The following PLXDC2 variants were observed in gnomAD, a reference collection of about 807,000 sequenced individuals.
The protein encoded by PLXDC2 is plexin domain containing 2, also known as plexin domain-containing protein 2.
A neutral mutation model predicts 68.9 loss-of-function variants in PLXDC2; 40 were observed. The observed-to-expected ratio is 0.58, with a 90% confidence interval of 0.45 to 0.76. The LOEUF (loss-of-function observed/expected upper bound fraction) is 0.76. Among genes scored for constraint, PLXDC2 ranks in the 30% least tolerant of loss-of-function variants. The pLI, the probability that PLXDC2 is intolerant of heterozygous loss-of-function variation, is 0.00. For missense variants in PLXDC2, 644 were observed against 661.9 expected (o/e 0.97, Z 0.30); for synonymous variants, 243 against 234.2 (o/e 1.04, Z -0.34).
At chr10:20,173,705 T>G (rs747572759) in intron 7 of PLXDC2, among the ~76,000 whole-genome samples, 12 of 152,162 alleles carry the variant, frequency 7.9e-5, no homozygotes, top group Non-Finnish European at 1.8e-4. Context: ...AGACTGAACG[T>G]TTAATTCAAC....
intron 1 of PLXDC2, among the ~76,000 whole-genome samples, chr10:19,868,538 T>C (rs1837464987): frequency 6.6e-6 from 1 of 152,214 alleles, no homozygotes; most frequent in Admixed American, 6.5e-5. Flanking sequence ...TTTCTGACTC[T>C]ATAAAATTAG....
chr10:20,255,175 G>A (rs1588546115), intron 13 of PLXDC2, among the ~76,000 whole-genome samples: 1 of 143,538 alleles, frequency 7.0e-6, no homozygotes, highest in Admixed American at 7.1e-5. Flanking sequence ...ATGGATGGAT[G>A]GGTGGATAGG....
chr10:19,980,054 T>C (rs1489523334), intron 1 of PLXDC2, among the ~76,000 whole-genome samples: 1 of 152,264 alleles, frequency 6.6e-6, no homozygotes, highest in Non-Finnish European at 1.5e-5. Flanking sequence ...TTCTCTTTGA[T>C]TTTCATAGAG....
chr10:19,855,796 T>C (rs573543343), intron 1 of PLXDC2, among the ~76,000 whole-genome samples: 5 of 152,246 alleles, frequency 3.3e-5, no homozygotes, highest in Admixed American at 1.3e-4. Context: ...AAAAATTGTG[T>C]GCCATTAGGC....
At chr10:19,987,800 C>A (rs2131625576) in intron 1 of PLXDC2, among the ~76,000 whole-genome samples, 1 of 152,148 alleles carries the variant, frequency 6.6e-6, no homozygotes, top group Middle Eastern at 3.4e-3. Flanking sequence ...GATCTCCCGA[C>A]CTTGTGATCC....
chr10:20,219,449 G>T (rs781581744), intron 12 of PLXDC2, among the ~76,000 whole-genome samples: 7 of 152,144 alleles, frequency 4.6e-5, no homozygotes, highest in Non-Finnish European at 8.8e-5. Context: ...TCACTAAATT[G>T]TCTCCTTGGT....
intron 12 of PLXDC2, among the ~76,000 whole-genome samples, chr10:20,238,164 A>G (rs1039583649): frequency 6.7e-6 from 1 of 149,736 alleles, no homozygotes; most frequent in African/African-American, 2.4e-5. Flanking sequence ...ATATATGTAT[A>G]TACATATATA....
chr10:19,910,069 T>C (rs528349035), intron 1 of PLXDC2, among the ~76,000 whole-genome samples: 1 of 152,002 alleles, frequency 6.6e-6, no homozygotes, highest in Non-Finnish European at 1.5e-5. Flanking sequence ...TCCAGGGTGA[T>C]GTTATAATTT....
intron 1 of PLXDC2, among the ~76,000 whole-genome samples, chr10:19,896,554 C>A (rs536181115): frequency 2.4e-4 from 36 of 152,238 alleles, no homozygotes; most frequent in Non-Finnish European, 4.9e-4. Flanking sequence ...TTATTAATAT[C>A]GTCATAACAA....
chr10:20,233,314 C>T (rs1388924718), intron 12 of PLXDC2, among the ~76,000 whole-genome samples: 1 of 150,586 alleles, frequency 6.6e-6, no homozygotes, highest in Non-Finnish European at 1.5e-5. Flanking sequence ...TCAGTTGAGG[C>T]CAGGAGTTTG....
intron 1 of PLXDC2, among the ~76,000 whole-genome samples, chr10:19,997,950 T>C (rs1319219955): frequency 1.3e-5 from 2 of 152,250 alleles, no homozygotes; most frequent in Non-Finnish European, 2.9e-5. Context: ...CGTCTTCTTA[T>C]ATTCCAATGG....
intron 12 of PLXDC2, among the ~76,000 whole-genome samples, chr10:20,220,882 G>T (rs116164385): frequency 0.02 from 2,021 of 103,618 alleles, 43 homozygotes; most frequent in African/African-American, 0.066. Flanking sequence ...ACTTGTTGTT[G>T]CCCAGGCTGG....
At chr10:20,078,411 G>A (rs1017395262) in intron 4 of PLXDC2, among the ~76,000 whole-genome samples, 1 of 152,010 alleles carries the variant, frequency 6.6e-6, no homozygotes, top group African/African-American at 2.4e-5. Flanking sequence ...TCTAATAACT[G>A]ATAATATAAT....
intron 1 of PLXDC2, among the ~76,000 whole-genome samples, chr10:19,835,040 T>A (rs1280226147): frequency 6.6e-6 from 1 of 152,206 alleles, no homozygotes; most frequent in East Asian, 1.9e-4. Flanking sequence ...TGGAAAGGCA[T>A]CCTGAACAGA....
At chr10:19,982,982 A>G (rs1274571515) in intron 1 of PLXDC2, among the ~76,000 whole-genome samples, 1 of 152,202 alleles carries the variant, frequency 6.6e-6, no homozygotes, top group African/African-American at 2.4e-5. Context: ...ACTTCATCAT[A>G]GTCTCCAAAT....
intron 2 of PLXDC2, among the ~76,000 whole-genome samples, chr10:20,046,187 C>G (rs1835795191): frequency 6.6e-6 from 1 of 151,964 alleles, no homozygotes; most frequent in Admixed American, 6.6e-5. Context: ...GTAAAAAGTT[C>G]AAAAGAGACA....
At chr10:19,832,872 G>T (rs956638561) in intron 1 of PLXDC2, among the ~76,000 whole-genome samples, 2 of 152,190 alleles carry the variant, frequency 1.3e-5, no homozygotes, top group African/African-American at 2.4e-5. Context: ...CGCTTTTGAC[G>T]CCAGATGGGC....
At chr10:20,174,346 C>T (rs986522485) in intron 7 of PLXDC2, among the ~76,000 whole-genome samples, 1 of 151,964 alleles carries the variant, frequency 6.6e-6, no homozygotes, top group Non-Finnish European at 1.5e-5. Flanking sequence ...CTTCATGAAA[C>T]CTTACTATGT....
chr10:20,172,455 T>C (rs1834460927), intron 7 of PLXDC2, among the ~76,000 whole-genome samples: 2 of 152,202 alleles, frequency 1.3e-5, no homozygotes, highest in Non-Finnish European at 2.9e-5. Context: ...ACTGTCCCTC[T>C]GCTGGTTACG....
Sources: gnomAD v4.1 joint callset for allele counts (sites outside exome capture counted in the v4.1 genomes callset) on GRCh38, gnomAD v4.1.1 for gene constraint, MANE v1.5 for transcripts, NCBI Gene and HGNC (gene_info 2026-07-23, HGNC 2026-07-21) for gene names.